AMZ1: variants seen among roughly 807,000 people sequenced by gnomAD.
AMZ1 encodes the protein archaemetzincin-1.
In AMZ1, 39 loss-of-function variants were observed where a neutral mutation model predicts 29.9. The observed-to-expected ratio is 1.30, with a 90% confidence interval of 1.01 to 1.70. The LOEUF (loss-of-function observed/expected upper bound fraction) is 1.70. Among genes scored for constraint, AMZ1 ranks in the 40% most tolerant of loss-of-function variants. The probability of loss-of-function intolerance (pLI) is 0.00; values close to 1 mark genes in which losing one functional copy is unlikely to be tolerated. For missense variants in AMZ1, 1,041 were observed against 680.6 expected (o/e 1.53, Z -5.89); for synonymous variants, 458 against 304.0 (o/e 1.51, Z -5.27).
At position 2,702,818 on chromosome 7, in the gene AMZ1, C is replaced by T. The variant is rs549717100; in HGVS notation, c.401C>T (p.Ser134Leu). 38 of 1,557,380 alleles carry T rather than the reference C, an allele frequency of 2.4e-5. No individual in the cohort carries two copies. Among genetic ancestry groups the T allele is most frequent in the South Asian group, 2.4e-4 (20 of 84,836 alleles). Residue 134 changes from serine to leucine, a missense_variant, in exon 3 of 7, where the codon TCG (serine) becomes TTG (leucine). By Grantham distance (145) the Ser-to-Leu change is moderately radical. Transcript: ENST00000683327. ...FLGLRVKCLPSVAAASIRCSS... is the reference protein window; with the variant it reads ...FLGLRVKCLPLVAAASIRCSS... ...GGCCTGCGCGTCAAGTGCCTGCCGT[C>T]GGTGGCAGCCGCGTCCATCCGCTGC...
At position 2,731,038 on chromosome 7, in the gene AMZ1, G is replaced by C; in HGVS notation, n.550+21222G>C. ...TTGCCTAGAGCTCGCTGGCTGGCTG[G>C]TCTGACAGCATTCCTGAGCCAGGTA... On this transcript the variant is annotated intron_variant and non_coding_transcript_variant, in intron 4 of 4. Transcript: ENST00000489665. The surrounding 1 kb of genome is among the most constrained non-coding windows in gnomAD (Gnocchi z 6.0). 3 of 595,216 alleles carry C rather than the reference G, an allele frequency of 5.0e-6. No homozygotes were observed. Among genetic ancestry groups the C allele is most frequent in the Non-Finnish European group, 5.9e-6 (2 of 337,262 alleles). 36.9% of individuals were successfully genotyped at this position (595,216 alleles called of 1,614,324 possible). A position where few individuals can be genotyped will look rare whatever the true frequency, so the allele number is the denominator to read the frequency against.
Position 2,731,145 on chromosome 7 carries a change from G to T in AMZ1, n.550+21329G>T, listed in dbSNP as rs1369968495. On this transcript the variant is annotated intron_variant and non_coding_transcript_variant, in intron 4 of 4. Coordinates refer to the AMZ1 transcript ENST00000489665. This position sits in a 1 kb window ranked among gnomAD's most constrained non-coding sequence, Gnocchi z 6.0. The stretch of plus-strand genomic sequence containing the variant: ...AAGAGTCTGACCGACAGCCGTGGGG[G>T]CTGCTCAACGACGACAAACCCCGGG... The T allele has an allele frequency of 2.8e-6, 4 of 1,421,486 alleles. No individual in the cohort carries two copies. The highest frequency in any genetic ancestry group is 3.6e-4 in the Middle Eastern group (2 of 5,622). 88.1% of individuals were successfully genotyped at this position (1,421,486 alleles called of 1,614,324 possible).
intron 4 of AMZ1, among the ~76,000 whole-genome samples, chr7:2,754,017 A>C (rs1218196600): frequency 6.6e-6 from 1 of 152,004 alleles, no homozygotes; most frequent in Non-Finnish European, 1.5e-5. Context: ...CTACATCTAA[A>C]CCCTTAAGTT....
chr7:2,702,689 G>A (rs1339325678), intron 2 of AMZ1, 33 bp from the exon 3 acceptor site: 18 of 1,496,984 alleles, frequency 1.2e-5, no homozygotes, highest in South Asian at 2.5e-5. Context: ...GGGCAGGGGC[G>A]TCGCAGGGCT....
chr7:2,719,640 C>G lies in AMZ1; in HGVS notation c.*6762C>G, dbSNP rs1482585018. On this transcript the variant is annotated 3_prime_UTR_variant, in exon 7 of 7. Coordinates refer to ENST00000683327, the MANE Select transcript of AMZ1 (RefSeq NM_001384743.1). Reference sequence around the variant, plus strand: ...CTCAGCTTTTCTATAATGCTTACATCTTACATTTTCATTCTCAAAATTAAT... The same window carrying G: ...CTCAGCTTTTCTATAATGCTTACATGTTACATTTTCATTCTCAAAATTAAT... Among the ~76,000 whole-genome samples the G allele has an allele frequency of 8.6e-5, 13 of 152,026 alleles. No homozygotes were observed. Among genetic ancestry groups the G allele is most frequent in the Admixed American group, 8.5e-4 (13 of 15,254 alleles).
In AMZ1 at chr7:2,708,723, C is replaced by T. The variant is rs772753076; in HGVS notation, c.601+7C>T. The T allele has an allele frequency of 1.1e-5, 18 of 1,612,208 alleles. No homozygotes were observed. The highest frequency in any genetic ancestry group is 4.5e-5 in the East Asian group (2 of 44,886). On this transcript the variant is annotated splice_region_variant and intron_variant, in intron 4 of 6. Transcript: ENST00000683327. ...AAGTTCCTTCCAGGGCACGGTGAGC[C>T]GGGGCCCCAGCAGCTGTGCGTGGGG...
chr7:2,742,691 A>G (rs1790570232), intron 4 of AMZ1, among the ~76,000 whole-genome samples: 1 of 152,220 alleles, frequency 6.6e-6, no homozygotes, highest in South Asian at 2.1e-4. Context: ...ATTTTGAATG[A>G]GGCCTTTAAT....
intron 1 of AMZ1, among the ~76,000 whole-genome samples, chr7:2,682,104 G>A (rs926439613): frequency 1.3e-5 from 2 of 152,332 alleles, no homozygotes; most frequent in East Asian, 1.9e-4. Context: ...GGGACCCGAC[G>A]TGAATACTAA....
rs2115192711 is a variant in AMZ1, at chr7:2,713,236, T to G, written c.*358T>G. The G allele has an allele frequency of 5.7e-6, 1 of 174,076 alleles. No individual in the cohort carries two copies. Among genetic ancestry groups the G allele is most frequent in the Non-Finnish European group, 1.2e-5 (1 of 82,986 alleles). 10.8% of individuals were successfully genotyped at this position (174,076 alleles called of 1,614,324 possible). A position where few individuals can be genotyped will look rare whatever the true frequency, so the allele number is the denominator to read the frequency against. On this transcript the variant is annotated 3_prime_UTR_variant, in exon 7 of 7. Transcript: ENST00000683327. ...CAGTCTGGGCCACACAGAAAGACTG[T>G]CTCCAGAAAAAAAAAAGTTCTTTGG... is the stretch of plus-strand genomic sequence containing the variant.
intron 1 of AMZ1, among the ~76,000 whole-genome samples, chr7:2,693,082 G>A (rs535840632): frequency 8.7e-4 from 132 of 152,182 alleles, no homozygotes; most frequent in African/African-American, 2.9e-3. Context: ...GCCCTGCCCC[G>A]CTCTGTAGGG....
intron 1 of AMZ1, among the ~76,000 whole-genome samples, chr7:2,698,426 C>T (rs563918336): frequency 6.6e-6 from 1 of 151,824 alleles, no homozygotes; most frequent in Admixed American, 6.6e-5. Context: ...TAATCCCAGC[C>T]ACTTGGGAGG....
Position 2,747,512 on chromosome 7 carries a change from G to A in AMZ1, n.551-17200G>A, listed in dbSNP as rs549363987. Among the ~76,000 whole-genome samples the A allele has an allele frequency of 1.8e-3, 279 of 152,238 alleles. 3 individuals are homozygous for A. Among genetic ancestry groups the A allele is most frequent in the African/African-American group, 6.3e-3 (260 of 41,552 alleles). Reference sequence around the variant, plus strand: ...CTCTCAACAAATTAGGTATTGATGGGACGTATCTCAAAATAATAAGAGCTA... The same window carrying A: ...CTCTCAACAAATTAGGTATTGATGGAACGTATCTCAAAATAATAAGAGCTA... On this transcript the variant is annotated intron_variant and non_coding_transcript_variant, in intron 4 of 4. Transcript: ENST00000489665.
chr7:2,680,194 G>A (rs924565101), intron 1 of AMZ1, among the ~76,000 whole-genome samples: 1 of 152,160 alleles, frequency 6.6e-6, no homozygotes, highest in African/African-American at 2.4e-5. Flanking sequence ...GGGCAGGGCT[G>A]GGATGATGTG....
intron 3 of AMZ1, among the ~76,000 whole-genome samples, chr7:2,704,864 G>A (rs1788260596): frequency 6.6e-6 from 1 of 152,056 alleles, no homozygotes; most frequent in African/African-American, 2.4e-5. Flanking sequence ...CCAAAGTGCT[G>A]GGATTACAGG....
At chr7:2,706,404 C>T (rs900234935) in intron 3 of AMZ1, among the ~76,000 whole-genome samples, 4 of 152,224 alleles carry the variant, frequency 2.6e-5, no homozygotes, top group Non-Finnish European at 5.9e-5. Context: ...GATCACTGTA[C>T]TGGTTTCCTG....
At chr7:2,763,190 CAA>C (rs1791652514), upstream of AMZ1, 1 of 307,854 alleles carries the variant, frequency 3.2e-6, no homozygotes, top group Non-Finnish European at 4.4e-6. Flanking sequence ...CAAGACACCC[CAA>C]CACACACACA....
intron 5 of AMZ1, 88 bp downstream of exon 5, chr7:2,709,332 T>G (rs1788595238): frequency 7.6e-7 from 1 of 1,316,076 alleles, no homozygotes; most frequent in Admixed American, 3.1e-5. Context: ...TGCCCCATCC[T>G]CACAGTGAAG....
intron 1 of AMZ1, among the ~76,000 whole-genome samples, chr7:2,698,674 C>T (rs574923650): frequency 1.3e-5 from 2 of 152,080 alleles, no homozygotes; most frequent in East Asian, 1.9e-4. Flanking sequence ...CCCGTCTCTA[C>T]AAAAAATACA....
upstream of AMZ1, among the ~76,000 whole-genome samples, chr7:2,761,469 A>C (rs1791552338): frequency 6.6e-6 from 1 of 152,234 alleles, no homozygotes; most frequent in African/African-American, 2.4e-5. Flanking sequence ...CAAATAAAGA[A>C]GAAAACCAGA....
Sources: gnomAD v4.1 joint callset for allele counts (sites outside exome capture counted in the v4.1 genomes callset) on GRCh38, gnomAD v4.1.1 for gene constraint, Gnocchi (gnomAD v3.1) non-coding constraint, MANE v1.5 for transcripts, NCBI Gene and HGNC (gene_info 2026-07-23, HGNC 2026-07-21) for gene names.